The following NRG4 variants were observed in gnomAD, a reference collection of about 807,000 sequenced individuals.
NRG4 encodes the protein pro-neuregulin-4, membrane-bound isoform.
A neutral mutation model predicts 15.0 loss-of-function variants in NRG4; 10 were observed. That is an observed-to-expected ratio of 0.67 (90% CI 0.41 to 1.13). The LOEUF is 1.13. Among genes scored for constraint, NRG4 ranks in the 50% most tolerant of loss-of-function variants. The pLI is 0.00. For synonymous variants in NRG4, 41 were observed against 50.1 expected (o/e 0.82, Z 0.77); for missense variants, 139 against 140.2 (o/e 0.99, Z 0.04).
intron 5 of NRG4, among the ~76,000 whole-genome samples, chr15:76,030,421 T>G (rs889797098): frequency 3.9e-5 from 6 of 152,050 alleles, no homozygotes; most frequent in African/African-American, 1.2e-4. Flanking sequence ...GAACCCAGAA[T>G]TAAAGAACCT....
At chr15:76,005,520 TA>T (rs1283492018) in intron 3 of NRG4, among the ~76,000 whole-genome samples, 3 of 151,554 alleles carry the variant, frequency 2.0e-5, no homozygotes, top group Non-Finnish European at 1.5e-5. Flanking sequence ...ACCCCGCCTG[TA>T]CTAAAAACAC....
rs2033398692 is a variant in NRG4 at position 75,977,030 on chromosome 15, G to A, written c.105-15056C>T. ...CTTTCTTTCAGAGATGCCCTGCCCA[G>A]AGAGGAGGAATCTAGAGAGGCAGTC... On this transcript the variant is annotated intron_variant, in intron 3 of 5. Transcript: ENST00000394907. This position sits in a 1 kb window ranked among gnomAD's most constrained non-coding sequence, Gnocchi z 4.9. 1.3e-5 allele frequency among the ~76,000 whole-genome samples: 2 copies of A among 152,208 alleles called. No homozygotes were observed. The highest frequency in any genetic ancestry group is 4.8e-5 in the African/African-American group (2 of 41,446).
chr15:75,937,634 G>GTGAC (rs1450861265), downstream of NRG4: 1 of 142,244 alleles, frequency 7.0e-6, no homozygotes, highest in Admixed American at 6.9e-5. Flanking sequence ...GGAAAATATT[G>GTGAC]TGACTTTTTA....
At chr15:76,046,936 T>C (rs1377882487) in intron 4 of NRG4, among the ~76,000 whole-genome samples, 1 of 150,922 alleles carries the variant, frequency 6.6e-6, no homozygotes, top group Non-Finnish European at 1.5e-5. Context: ...AGAATATATA[T>C]GGAGCTCAAA....
intron 4 of NRG4, among the ~76,000 whole-genome samples, chr15:76,038,635 C>T (rs2035653176): frequency 6.6e-6 from 1 of 152,234 alleles, no homozygotes; most frequent in African/African-American, 2.4e-5. Context: ...TGACTCCAGT[C>T]CTTAGCTCCC....
intron 5 of NRG4, among the ~76,000 whole-genome samples, chr15:75,952,293 G>T (rs1018384965): frequency 2.6e-5 from 4 of 152,060 alleles, no homozygotes; most frequent in Admixed American, 6.6e-5. Context: ...TGTCTCTATA[G>T]ATTTGCCTGT....
chr15:75,984,143 A>C (rs1595986530), intron 3 of NRG4, among the ~76,000 whole-genome samples: 2 of 152,160 alleles, frequency 1.3e-5, no homozygotes. Flanking sequence ...ATTTGTACAG[A>C]CCCATAGAAT....
At chr15:76,033,517 A>G (rs1186035783) in intron 5 of NRG4, among the ~76,000 whole-genome samples, 1 of 152,256 alleles carries the variant, frequency 6.6e-6, no homozygotes, top group Admixed American at 6.5e-5. Flanking sequence ...TTTATAATGT[A>G]TCAGTTTAGA....
chr15:75,952,647 C>T, intron 5 of NRG4, among the ~76,000 whole-genome samples: 1 of 150,898 alleles, frequency 6.6e-6, no homozygotes, highest in Non-Finnish European at 1.5e-5. Flanking sequence ...TAGCCTCAAA[C>T]TCCTGGGCTC....
chr15:76,001,962 C>T (rs370315277), intron 3 of NRG4, among the ~76,000 whole-genome samples: 10 of 152,062 alleles, frequency 6.6e-5, no homozygotes, highest in African/African-American at 2.2e-4. Context: ...CTCCAAAGTG[C>T]GTAACTTTCA....
At chr15:76,010,077 T>C (rs1334259383) in intron 2 of NRG4, among the ~76,000 whole-genome samples, 1 of 151,964 alleles carries the variant, frequency 6.6e-6, no homozygotes, top group Non-Finnish European at 1.5e-5. Context: ...CCTTGGTACC[T>C]CTCCTTCCTT....
intron 3 of NRG4, among the ~76,000 whole-genome samples, chr15:76,008,473 G>C (rs1440612666): frequency 6.6e-6 from 1 of 152,138 alleles, no homozygotes; most frequent in African/African-American, 2.4e-5. Context: ...TAATTCACAT[G>C]TGTTACAAAA....
intron 5 of NRG4, 44 bp downstream of exon 5, chr15:75,955,888 T>C: frequency 1.9e-6 from 2 of 1,079,088 alleles, no homozygotes; most frequent in South Asian, 2.6e-5. Flanking sequence ...AACAACAGTC[T>C]CATCTAGGGT....
intron 5 of NRG4, among the ~76,000 whole-genome samples, chr15:75,947,631 C>T (rs569498074): frequency 6.6e-6 from 1 of 152,270 alleles, no homozygotes; most frequent in East Asian, 1.9e-4. Context: ...TGAGTCCATT[C>T]TTTCATTTCT....
chr15:76,056,406 C>T (rs541804979), intron 2 of NRG4, among the ~76,000 whole-genome samples: 6 of 151,834 alleles, frequency 4.0e-5, no homozygotes, highest in African/African-American at 7.3e-5. Context: ...TGCAGTCAGC[C>T]GAGATTGCGC....
intron 5 of NRG4, among the ~76,000 whole-genome samples, chr15:76,023,183 C>CACACACACACACACACACACACACACAA (rs67858639): frequency 8.9e-6 from 1 of 112,460 alleles, no homozygotes; most frequent in Non-Finnish European, 2.0e-5. Flanking sequence ...CACACACACA[C>CACACACACACACACACACACACACACAA]AAGCAAGGAC....
At chr15:76,044,806 A>T (rs1160371372) in intron 4 of NRG4, among the ~76,000 whole-genome samples, 1 of 146,026 alleles carries the variant, frequency 6.8e-6, no homozygotes, top group Admixed American at 6.9e-5. Context: ...ATACCACTGC[A>T]CTCCAACCTG....
At chr15:75,962,430 T>G (rs2032568434) in intron 3 of NRG4, among the ~76,000 whole-genome samples, 1 of 152,218 alleles carries the variant, frequency 6.6e-6, no homozygotes, top group Non-Finnish European at 1.5e-5. Context: ...CTTTAACATA[T>G]GTCAGATTTA....
intron 3 of NRG4, among the ~76,000 whole-genome samples, chr15:75,980,729 C>T (rs1013581521): frequency 1.3e-5 from 2 of 152,088 alleles, no homozygotes; most frequent in South Asian, 2.1e-4. Flanking sequence ...CAAGGTCTCA[C>T]GTTCCAGATC....
Sources: gnomAD v4.1 joint callset for allele counts (sites outside exome capture counted in the v4.1 genomes callset) on GRCh38, gnomAD v4.1.1 for gene constraint, Gnocchi (gnomAD v3.1) non-coding constraint, MANE v1.5 for transcripts, NCBI Gene and HGNC (gene_info 2026-07-23, HGNC 2026-07-21) for gene names.